FAM135B: variants seen among roughly 807,000 people sequenced by gnomAD.
The protein encoded by FAM135B is family with sequence similarity 135 member B.
A neutral mutation model predicts 127.7 loss-of-function variants in FAM135B; 43 were observed. The ratio of observed to expected loss-of-function variants is 0.34; its 90% CI spans 0.26 to 0.43. The LOEUF is 0.43. FAM135B is among the 20% of genes least tolerant of loss of function. FAM135B has a pLI of 1.00. For missense variants in FAM135B, 1,558 were observed against 1,725.6 expected (o/e 0.90, Z 1.72); for synonymous variants, 670 against 665.1 (o/e 1.01, Z -0.11).
At chr8:138,226,184 TGC>T (rs1554637377) in intron 7 of FAM135B, among the ~76,000 whole-genome samples, 1 of 139,202 alleles carries the variant, frequency 7.2e-6, no homozygotes, top group Non-Finnish European at 1.5e-5. Flanking sequence ...TGTGTGTGTG[TGC>T]GCGCATGTCA....
At chr8:138,169,931 A>C (rs1001277971) in intron 11 of FAM135B, among the ~76,000 whole-genome samples, 4 of 152,222 alleles carry the variant, frequency 2.6e-5, no homozygotes, top group African/African-American at 9.6e-5. Flanking sequence ...ACCTAAAGCA[A>C]TGCCTAGCAA....
At chr8:138,453,241 C>A (rs1281153908) in intron 1 of FAM135B, among the ~76,000 whole-genome samples, 1 of 152,080 alleles carries the variant, frequency 6.6e-6, no homozygotes, top group Non-Finnish European at 1.5e-5. Context: ...CAGCTTTTTT[C>A]CCCGCATTCA....
chr8:138,426,018 C>T (rs28491740), intron 1 of FAM135B, among the ~76,000 whole-genome samples: 21,416 of 96,692 alleles, frequency 0.22, 3,473 homozygotes, highest in East Asian at 0.56. Context: ...TATATACACA[C>T]ACATACATAT....
At chr8:138,346,477 C>T (rs562919360) in intron 2 of FAM135B, among the ~76,000 whole-genome samples, 3 of 152,312 alleles carry the variant, frequency 2.0e-5, no homozygotes, top group African/African-American at 7.2e-5. Context: ...CCATGAAATA[C>T]TATGCAGCCA....
rs2130379466 is a variant in FAM135B, at chr8:138,242,879, G to A, written c.669+63C>T. ...GTTTCAAAGAAGCATGAATCTCATAGAACATACACTCTGCAAAGTAAAGTT... is the reference window on the plus strand; with the variant it reads ...GTTTCAAAGAAGCATGAATCTCATAAAACATACACTCTGCAAAGTAAAGTT... On this transcript the variant is annotated intron_variant, in intron 7 of 19. Transcript: ENST00000395297. The surrounding 1 kb of genome is among the most constrained non-coding windows in gnomAD (Gnocchi z 9.6). 1 of 1,563,704 alleles carries A rather than the reference G, an allele frequency of 6.4e-7. No individual in the cohort carries two copies.
chr8:138,346,398 C>T (rs958750433), intron 2 of FAM135B, among the ~76,000 whole-genome samples: 14 of 152,174 alleles, frequency 9.2e-5, no homozygotes, highest in African/African-American at 3.4e-4. Context: ...TTCCCAATAG[C>T]AAAGACGTGG....
Position 138,275,619 on chromosome 8 carries a change from C to T in FAM135B, c.158-9777G>A, listed in dbSNP as rs114460032. ...CTGAGGTTGGAAGATCTCTTGAGCCCAGGAATTCGAGGCTGCAGTGAGCCA... is the reference window on the plus strand; with the variant it reads ...CTGAGGTTGGAAGATCTCTTGAGCCTAGGAATTCGAGGCTGCAGTGAGCCA... On this transcript the variant is annotated intron_variant, in intron 3 of 19. Coordinates refer to ENST00000395297, the MANE Select transcript of FAM135B (RefSeq NM_015912.4). Among the ~76,000 whole-genome samples, 1,096 of 152,018 alleles carry T rather than the reference C, an allele frequency of 7.2e-3. 14 individuals are homozygous for T. Among genetic ancestry groups the T allele is most frequent in the African/African-American group, 0.026 (1,063 of 41,454 alleles).
At chr8:138,135,316 G>C (rs919682882) in intron 19 of FAM135B, among the ~76,000 whole-genome samples, 1 of 152,140 alleles carries the variant, frequency 6.6e-6, no homozygotes, top group African/African-American at 2.4e-5. Context: ...CAGTTTGGCT[G>C]TCTATTGACC....
chr8:138,237,937 C>T (rs915480794), intron 7 of FAM135B, among the ~76,000 whole-genome samples: 1 of 152,128 alleles, frequency 6.6e-6, no homozygotes, highest in African/African-American at 2.4e-5. Context: ...ACTAATACAT[C>T]GAGCATGTGC....
chr8:138,386,290 A>T (rs150131748), intron 1 of FAM135B, among the ~76,000 whole-genome samples: 178 of 152,264 alleles, frequency 1.2e-3, no homozygotes, highest in African/African-American at 4.2e-3. Context: ...CTCACATATC[A>T]ACATGAAAAT....
intron 2 of FAM135B, among the ~76,000 whole-genome samples, chr8:138,342,988 T>C (rs964914661): frequency 6.6e-6 from 1 of 152,274 alleles, no homozygotes; most frequent in Middle Eastern, 3.2e-3. Flanking sequence ...TATATTGATA[T>C]ATCAGTGACA....
chr8:138,419,021 A>C (rs950943872), intron 1 of FAM135B, among the ~76,000 whole-genome samples: 5 of 152,202 alleles, frequency 3.3e-5, no homozygotes, highest in African/African-American at 1.2e-4. Context: ...CTTGAACATA[A>C]ACAGGCTAAA....
At chr8:138,487,948 G>C (rs1815047817) in intron 1 of FAM135B, among the ~76,000 whole-genome samples, 1 of 152,044 alleles carries the variant, frequency 6.6e-6, no homozygotes, top group Non-Finnish European at 1.5e-5. Context: ...AGGTTGCAGT[G>C]AGCTGAGATC....
intron 16 of FAM135B, 63 bp downstream of exon 16, chr8:138,142,949 A>G (rs1209104108): frequency 1.2e-6 from 1 of 849,810 alleles, no homozygotes; most frequent in Admixed American, 1.7e-5. Context: ...GCTTTTATAC[A>G]GCAAACACTC....
intron 1 of FAM135B, among the ~76,000 whole-genome samples, chr8:138,449,772 C>T (rs1168426200): frequency 6.6e-6 from 1 of 152,132 alleles, no homozygotes; most frequent in Non-Finnish European, 1.5e-5. Flanking sequence ...ATATTTCTCA[C>T]CAGTGTGGTG....
chr8:138,133,783 A>T (rs549983126), intron 19 of FAM135B, among the ~76,000 whole-genome samples: 1 of 152,304 alleles, frequency 6.6e-6, no homozygotes, highest in Admixed American at 6.5e-5. Context: ...TCCAGTTATC[A>T]GCAGGGGAGA....
chr8:138,152,458 A>G lies in FAM135B; in HGVS notation c.2017T>C (p.Ser673Pro), dbSNP rs2130770328. ...GATGAAGATCTCTTGATGACCCCGG[A>G]TAGCACTGAGAGTTCCTCCTGCTCT... ...TEEQEELSVL[S>P]GVIKRSSSII... Residue 673 changes from serine (S) to proline (P), a missense_variant, in exon 13 of 20, where the codon TCC becomes CCC. By Grantham distance (74) the Ser-to-Pro change is moderately conservative. Coordinates refer to ENST00000395297, the MANE Select transcript of FAM135B (RefSeq NM_015912.4). 6.2e-7 allele frequency: 1 copy of G among 1,614,202 alleles called. No homozygotes were observed. Among genetic ancestry groups the G allele is most frequent in the Non-Finnish European group, 8.5e-7 (1 of 1,180,050 alleles).
chr8:138,345,579 G>A (rs1379029648), intron 2 of FAM135B, among the ~76,000 whole-genome samples: 2 of 151,992 alleles, frequency 1.3e-5, no homozygotes, highest in Non-Finnish European at 2.9e-5. Flanking sequence ...ATTTGTTCAA[G>A]CCCCTTTGAC....
At chr8:138,427,134 T>C (rs560309987) in intron 1 of FAM135B, among the ~76,000 whole-genome samples, 1 of 152,012 alleles carries the variant, frequency 6.6e-6, no homozygotes, top group South Asian at 2.1e-4. Flanking sequence ...GGATTGTAAA[T>C]ACCTTTGGTA....
Sources: gnomAD v4.1 joint callset for allele counts (sites outside exome capture counted in the v4.1 genomes callset) on GRCh38, gnomAD v4.1.1 for gene constraint, Gnocchi (gnomAD v3.1) non-coding constraint, MANE v1.5 for transcripts, NCBI Gene and HGNC (gene_info 2026-07-23, HGNC 2026-07-21) for gene names.